TRAF7: variants seen among roughly 807,000 people sequenced by gnomAD.
TRAF7 encodes the protein E3 ubiquitin-protein ligase TRAF7.
In TRAF7, 45 loss-of-function variants were observed where a neutral mutation model predicts 89.3. That is an observed-to-expected ratio of 0.50 (90% CI 0.40 to 0.65). TRAF7 has a LOEUF of 0.65. TRAF7 is among the 30% of genes least tolerant of loss of function. TRAF7 has a pLI of 0.00. For missense variants in TRAF7, 677 were observed against 918.1 expected (o/e 0.74, Z 3.39); for synonymous variants, 406 against 369.2 (o/e 1.10, Z -1.14).
intron 14 of TRAF7, among the ~76,000 whole-genome samples, 186 bp downstream of exon 14, chr16:2,174,519 C>T (rs947963675): frequency 5.3e-5 from 8 of 152,188 alleles, no homozygotes; most frequent in African/African-American, 1.9e-4. Flanking sequence ...GTGGCCTACA[C>T]CATCTCCAAA....
chr16:2,167,997 C>A (rs899900248), intron 3 of TRAF7, 80 bp from the exon 4 acceptor site: 3 of 1,332,546 alleles, frequency 2.3e-6, no homozygotes, highest in South Asian at 1.2e-5. Context: ...CCCACAGGGT[C>A]GGGTATCCAG....
At chr16:2,166,840 T>C (rs2093088256) in intron 3 of TRAF7, among the ~76,000 whole-genome samples, 1 of 152,252 alleles carries the variant, frequency 6.6e-6, no homozygotes, top group Non-Finnish European at 1.5e-5. Flanking sequence ...AGGGAGACCA[T>C]GCGGAAGTGG....
Position 2,163,678 on chromosome 16 carries a change from T to G in TRAF7, c.-38-205T>G. On this transcript the variant is annotated intron_variant, in intron 1 of 20. Coordinates refer to ENST00000326181, the MANE Select transcript of TRAF7 (RefSeq NM_032271.3). This position sits in a 1 kb window ranked among gnomAD's most constrained non-coding sequence, Gnocchi z 4.3. Reference sequence around the variant, plus strand: ...TGAGGGACGGTGACGCAGAGCCGCCTGCCTGCCCGGGCCTCTGCATACCTG... The same window carrying G: ...TGAGGGACGGTGACGCAGAGCCGCCGGCCTGCCCGGGCCTCTGCATACCTG... 1 of 563,270 alleles carries G rather than the reference T, an allele frequency of 1.8e-6. No homozygotes were observed. Among genetic ancestry groups the G allele is most frequent in the Non-Finnish European group, 3.2e-6 (1 of 313,534 alleles). 34.9% of individuals were successfully genotyped at this position (563,270 alleles called of 1,614,324 possible). A position where few individuals can be genotyped will look rare whatever the true frequency, so the allele number is the denominator to read the frequency against.
chr16:2,169,978 G>A (rs1021230653), intron 4 of TRAF7, among the ~76,000 whole-genome samples: 13 of 152,146 alleles, frequency 8.5e-5, no homozygotes, highest in Admixed American at 2.6e-4. Context: ...GGCCAGAGGG[G>A]AGGAAGGGAC....
At position 2,159,530 on chromosome 16, in the gene TRAF7, G is replaced by T. The variant is rs2093049125; in HGVS notation, c.-39+3672G>T. Among the ~76,000 whole-genome samples, 1 of 152,220 alleles carries T rather than the reference G, an allele frequency of 6.6e-6. No homozygotes were observed. The highest frequency in any genetic ancestry group is 2.4e-5 in the African/African-American group (1 of 41,454). On this transcript the variant is annotated intron_variant, in intron 1 of 20. Coordinates refer to ENST00000326181, the MANE Select transcript of TRAF7 (RefSeq NM_032271.3). The surrounding 1 kb of genome is among the most constrained non-coding windows in gnomAD (Gnocchi z 6.5). ...AGGCCTGTTTCTATAGAATTTAGCGGCCTGGGCTTGGGCCAGGGGGCTGAG... is the reference window on the plus strand; with the variant it reads ...AGGCCTGTTTCTATAGAATTTAGCGTCCTGGGCTTGGGCCAGGGGGCTGAG...
At position 2,171,604 on chromosome 16, in the gene TRAF7, A is replaced by G; in HGVS notation, c.474A>G (p.Ser158=). The change falls in exon 7 of 21, where the codon TCA becomes TCG. Residue 158 remains serine, a splice_region_variant and synonymous_variant. Transcript: ENST00000326181. ...TCTGTAGGAGATGCGCCTTGAAGTC[A>G]GGTAGGTTTGTGCCCCGGCCCAGGC... The part of the protein sequence containing the change: ...HTFCRRCALK[S]EKCPVDNVKL... 1 of 1,613,236 alleles carries G rather than the reference A, an allele frequency of 6.2e-7. No individual in the cohort carries two copies. Among genetic ancestry groups the G allele is most frequent in the Non-Finnish European group, 8.5e-7 (1 of 1,179,890 alleles).
chr16:2,172,215 A>G lies in TRAF7; in HGVS notation c.500A>G (p.Lys167Arg), dbSNP rs936416390. ...GAGAAGTGTCCCGTGGACAACGTCA[A>G]ACTGACCGTGGTGGTGAACAACATC... is the stretch of plus-strand genomic sequence containing the variant. The part of the protein sequence containing the change: ...KSEKCPVDNV[K>R]LTVVVNNIAV... The change falls in exon 8 of 21, where the codon AAA becomes AGA. Residue 167 changes from lysine (K) to arginine (R), a missense_variant. By Grantham distance (26) the Lys-to-Arg change is conservative. Around this residue, in one of 6 missense-constraint regions of TRAF7, gnomAD observed 238 missense variants for 352.6 expected, o/e 0.67. Coordinates refer to ENST00000326181, the MANE Select transcript of TRAF7 (RefSeq NM_032271.3). The G allele has an allele frequency of 4.3e-6, 7 of 1,613,044 alleles. No homozygotes were observed. The African/African-American group carries it at 9.3e-5, about 21-fold the overall frequency.
intron 6 of TRAF7, 70 bp from the exon 7 acceptor site, chr16:2,171,502 C>T: frequency 1.2e-6 from 2 of 1,606,462 alleles, no homozygotes; most frequent in African/African-American, 1.3e-5. Context: ...AGGCCTGTGG[C>T]TGCCATGGCC....
chr16:2,172,264 G>A lies in TRAF7; in HGVS notation c.549G>A (p.Glu183=). The change falls in exon 8 of 21, where the codon GAG becomes GAA. Residue 183 remains glutamate, a synonymous_variant. Coordinates refer to ENST00000326181, the MANE Select transcript of TRAF7 (RefSeq NM_032271.3). The part of the protein sequence containing the change: ...NNIAVAEQIG[E]LFIHCRHGCR... ...TCGCGGTGGCCGAGCAGATCGGGGA[G>A]CTCTTCATCCACTGCCGGCACGGCT... The A allele has an allele frequency of 1.2e-6, 2 of 1,612,956 alleles. No individual in the cohort carries two copies. The highest frequency in any genetic ancestry group is 1.3e-5 in the African/African-American group (1 of 75,056).
At position 2,163,522 on chromosome 16, in the gene TRAF7, C is replaced by T. The variant is rs1368011569; in HGVS notation, c.-38-361C>T. ...TACCCACCAAGGCCCAGCCTTGGCC[C>T]CAGGGACATTCAGCCTGGAGGTGAC... On this transcript the variant is annotated intron_variant, in intron 1 of 20. Transcript: ENST00000326181. The surrounding 1 kb of genome is among the most constrained non-coding windows in gnomAD (Gnocchi z 4.3). 2 of 271,266 alleles carry T rather than the reference C, an allele frequency of 7.4e-6. No homozygotes were observed. Among genetic ancestry groups the T allele is most frequent in the South Asian group, 3.5e-5 (1 of 28,406 alleles). The allele number at this position is 271,266 out of a possible 1,614,324, so 16.8% of individuals were successfully genotyped here.
rs913013600 is a variant in TRAF7 at position 2,178,027 on chromosome 16, A to T, written c.*1453A>T. On this transcript the variant is annotated 3_prime_UTR_variant, in exon 21 of 21. Coordinates refer to ENST00000326181, the MANE Select transcript of TRAF7 (RefSeq NM_032271.3). ...AATGGTTTTCTATAGAATCAATAAT[A>T]TTTCTTTCTTTAAATATATATTTGT... 1 of 436,726 alleles carries T rather than the reference A, an allele frequency of 2.3e-6. No individual in the cohort carries two copies. The highest frequency in any genetic ancestry group is 2.1e-5 in the African/African-American group (1 of 47,792). The allele number at this position is 436,726 out of a possible 1,614,324, so 27.1% of individuals were successfully genotyped here.
Position 2,171,303 on chromosome 16 carries a change from T to C in TRAF7, c.388T>C (p.Cys130Arg). 3 of 1,556,444 alleles carry C rather than the reference T, an allele frequency of 1.9e-6. No individual in the cohort carries two copies. Among genetic ancestry groups the C allele is most frequent in the South Asian group, 1.2e-5 (1 of 84,766 alleles). ...TGCGGAGCAGCCCTCGGTGAAGCTG[T>C]GCTGTCAGCTCTGCTGCAGCGTCTT... ...VFAEQPSVKL[C>R]CQLCCSVFKD... Residue 130 changes from cysteine (C) to arginine (R), a missense_variant, in exon 6 of 21, where the codon TGC becomes CGC. Cys to Arg is a radical substitution (Grantham distance 180). Coordinates refer to ENST00000326181, the MANE Select transcript of TRAF7 (RefSeq NM_032271.3).
chr16:2,165,783 G>C, intron 2 of TRAF7, 96 bp from the exon 3 acceptor site: 1 of 1,428,698 alleles, frequency 7.0e-7, no homozygotes, highest in Admixed American at 1.7e-5. Context: ...TGCGTGGCCT[G>C]GCCTGGTCGC....
At position 2,171,246 on chromosome 16, in the gene TRAF7, T is replaced by A. The variant is rs1366623935; in HGVS notation, c.349-18T>A. ...GGGTGGCCTCCCGCCATCGCCTGCC[T>A]TTCCCGCTTGGTTCCAGGAGCCACT... is the stretch of plus-strand genomic sequence containing the variant. On this transcript the variant is annotated intron_variant, in intron 5 of 20. Transcript: ENST00000326181. 1 of 1,537,930 alleles carries A rather than the reference T, an allele frequency of 6.5e-7. No homozygotes were observed. The highest frequency in any genetic ancestry group is 2.0e-5 in the Admixed American group (1 of 50,932).
chr16:2,170,825 C>T (rs930911966), intron 5 of TRAF7, 95 bp downstream of exon 5: 7 of 1,235,324 alleles, frequency 5.7e-6, no homozygotes, highest in Non-Finnish European at 6.9e-6. Context: ...CCGCCCAGCT[C>T]ACAGGGAGAG....
intron 1 of TRAF7, 52 bp downstream of exon 1, chr16:2,155,910 C>T (rs948020958): frequency 7.3e-6 from 1 of 136,726 alleles, no homozygotes; most frequent in African/African-American, 2.7e-5. Context: ...CGGGACCGCG[C>T]GGTGGGGCGG....
chr16:2,176,838 C>G lies in TRAF7; in HGVS notation c.*264C>G, dbSNP rs2093139095. The G allele has an allele frequency of 5.0e-6, 3 of 598,420 alleles. No individual in the cohort carries two copies. In the Admixed American group the frequency reaches 8.7e-5, roughly 17 times the overall value. The allele number at this position is 598,420 out of a possible 1,614,324, so 37.1% of individuals were successfully genotyped here. A position where few individuals can be genotyped will look rare whatever the true frequency, so the allele number is the denominator to read the frequency against. ...TCCATCCCCACCCTCCATCCCCACCCTAGATGGAGCGAGGGCCTTTTTACT... is the reference window on the plus strand; with the variant it reads ...TCCATCCCCACCCTCCATCCCCACCGTAGATGGAGCGAGGGCCTTTTTACT... On this transcript the variant is annotated 3_prime_UTR_variant, in exon 21 of 21. Coordinates refer to ENST00000326181, the MANE Select transcript of TRAF7 (RefSeq NM_032271.3).
At chr16:2,170,879 G>T in intron 5 of TRAF7, 149 bp downstream of exon 5, 2 of 781,354 alleles carry the variant, frequency 2.6e-6, no homozygotes, top group Non-Finnish European at 2.1e-6. Context: ...GCTGGTCCGT[G>T]GTGGGGACTC....
chr16:2,170,098 G>GGCCCTGCCTTCCCTCTGAGCCTC (rs2093102013), intron 4 of TRAF7, among the ~76,000 whole-genome samples: 2 of 152,176 alleles, frequency 1.3e-5, no homozygotes, highest in African/African-American at 4.8e-5. Context: ...CTGGGGGCCT[G>GGCCCTGCCTTCCCTCTGAGCCTC]GCCCTGCCTT....
Sources: allele counts gnomAD v4.1 joint callset (sites outside exome capture counted in the v4.1 genomes callset), GRCh38; gene constraint gnomAD v4.1.1; regional missense constraint gnomAD v4.1.1; non-coding constraint Gnocchi (gnomAD v3.1); transcripts MANE v1.5; gene names NCBI Gene and HGNC (gene_info 2026-07-23, HGNC 2026-07-21).